ALOXE3: variants seen among roughly 807,000 people sequenced by gnomAD.
ALOXE3 encodes the protein hydroperoxide isomerase ALOXE3.
In ALOXE3, 78 loss-of-function variants were observed where a neutral mutation model predicts 87.5. The ratio of observed to expected loss-of-function variants is 0.89; its 90% CI spans 0.74 to 1.08. ALOXE3 has a LOEUF of 1.08. Among genes scored for constraint, ALOXE3 ranks in the 50% least tolerant of loss-of-function variants. The pLI is 0.00. For synonymous variants in ALOXE3, 363 were observed against 370.8 expected (o/e 0.98, Z 0.24); for missense variants, 946 against 912.4 (o/e 1.04, Z -0.47).
At chr17:8,108,736 G>A in intron 12 of ALOXE3, 147 bp from the exon 13 acceptor site, 1 of 1,245,452 alleles carries the variant, frequency 8.0e-7, no homozygotes, top group South Asian at 1.3e-5. Context: ...GAATCTGAGT[G>A]GCCGGGCTTC....
chr17:8,096,706 A>G lies in ALOXE3; in HGVS notation c.2057T>C (p.Ile686Thr), dbSNP rs772753441. The change falls in exon 16 of 16, where the codon ATC (isoleucine) becomes ACC (threonine). Residue 686 changes from isoleucine to threonine, a missense_variant. By Grantham distance (89) the Ile-to-Thr change is moderately conservative. Coordinates refer to ENST00000448843, the MANE Select transcript of ALOXE3 (RefSeq NM_021628.3). ...TGCCAGACCCTGGTTCCGCTCCTGGATGTCCCTTGAGATCTGGGCCAGGCG... is the reference window on the plus strand; with the variant it reads ...TGCCAGACCCTGGTTCCGCTCCTGGGTGTCCCTTGAGATCTGGGCCAGGCG... ...QSRLAQISRD[I>T]QERNQGLALP... 6.2e-7 allele frequency: 1 copy of G among 1,607,946 alleles called. No individual in the cohort carries two copies. The highest frequency in any genetic ancestry group is 1.1e-5 in the South Asian group (1 of 90,964).
rs115159829 is a variant in ALOXE3, at chr17:8,109,158, G to C, written c.1562+16C>G. On this transcript the variant is annotated intron_variant, in intron 12 of 15. Coordinates refer to ENST00000448843, the MANE Select transcript of ALOXE3 (RefSeq NM_021628.3). ...AGACCCTGGTGGGACTGCTGGTCCC[G>C]CCCCGCACCTCGCACCTCTCAATGG... is the stretch of plus-strand genomic sequence containing the variant. 18 of 1,611,746 alleles carry C rather than the reference G, an allele frequency of 1.1e-5. No individual in the cohort carries two copies. The highest frequency in any genetic ancestry group is 1.7e-5 in the Admixed American group (1 of 60,002).
intron 2 of ALOXE3, among the ~76,000 whole-genome samples, chr17:8,117,332 AT>A (rs1980688471): frequency 1.3e-5 from 2 of 152,350 alleles, no homozygotes; most frequent in Non-Finnish European, 2.9e-5. Context: ...AGGCAGGAGA[AT>A]CGCTTAAACC....
At chr17:8,106,686 C>A (rs1476481557) in intron 13 of ALOXE3, among the ~76,000 whole-genome samples, 1 of 151,808 alleles carries the variant, frequency 6.6e-6, no homozygotes, top group Admixed American at 6.6e-5. Flanking sequence ...ATTATCCGGG[C>A]GTGGTAGTGT....
chr17:8,096,763 G>A lies in ALOXE3; in HGVS notation c.2000C>T (p.Ala667Val), dbSNP rs1275056045. The change falls in exon 16 of 16, where the codon GCC becomes GTC. Residue 667 changes from alanine (A) to valine (V), a missense_variant. By Grantham distance (64) the Ala-to-Val change is moderately conservative (BLOSUM62 0). Coordinates refer to ENST00000448843, the MANE Select transcript of ALOXE3 (RefSeq NM_021628.3). ...GAAGGCGGCGATGCTCCGCCTCGGG[G>A]CCTCCTCTGTGAAGTGCTCATCTGG... is the stretch of plus-strand genomic sequence containing the variant. ...TYPDEHFTEEAPRRSIAAFQS... is the reference protein window; with the variant it reads ...TYPDEHFTEEVPRRSIAAFQS... 3 of 1,614,066 alleles carry A rather than the reference G, an allele frequency of 1.9e-6. No individual in the cohort carries two copies. Among genetic ancestry groups the A allele is most frequent in the Non-Finnish European group, 2.5e-6 (3 of 1,180,034 alleles).
At chr17:8,116,439 G>T (rs1401705155) in intron 3 of ALOXE3, among the ~76,000 whole-genome samples, 1 of 152,156 alleles carries the variant, frequency 6.6e-6, no homozygotes, top group Non-Finnish European at 1.5e-5. Context: ...ATGACTCAGG[G>T]TGCAGGTTAG....
rs1237145983 is a variant in ALOXE3 at position 8,109,942 on chromosome 17, G to A, written c.1366C>T (p.Leu456Phe). 2 of 1,551,208 alleles carry A rather than the reference G, an allele frequency of 1.3e-6. No homozygotes were observed. Among genetic ancestry groups the A allele is most frequent in the Non-Finnish European group, 1.7e-6 (2 of 1,146,784 alleles). ...QVNTIARATL[L>F]NPEGLVDQVT... is the part of the protein sequence containing the mutation. ...TGGTCCACGAGGCCCTCGGGGTTGA[G>A]CAGCGTGGCCCTCGCGATGGTGTTC... Residue 456 changes from leucine (L) to phenylalanine (F), a missense_variant, in exon 11 of 16, where the codon CTC becomes TTC. Physicochemically the swap from Leu to Phe is conservative, Grantham distance 22. Transcript: ENST00000448843.
intron 7 of ALOXE3, 118 bp from the exon 8 acceptor site, chr17:8,111,649 A>G: frequency 1.0e-6 from 1 of 1,003,170 alleles, no homozygotes; most frequent in Non-Finnish European, 1.6e-6. Context: ...TCTATGAGGT[A>G]GGAATCATTA....
At chr17:8,118,766 C>A, upstream of ALOXE3, 1 of 1,537,242 alleles carries the variant, frequency 6.5e-7, no homozygotes, top group East Asian at 2.4e-5. Flanking sequence ...GGTCTGAATG[C>A]CCCGCGTGGC....
rs1288994342 is a variant in ALOXE3 at position 8,118,224 on chromosome 17, T to C, written c.-234A>G. On this transcript the variant is annotated 5_prime_UTR_variant, in exon 2 of 16. Coordinates refer to ENST00000448843, the MANE Select transcript of ALOXE3 (RefSeq NM_021628.3). ...TCTCTCCGCCCACAGTCTTGCACTC[T>C]AATACTTGTTTGCTTGCCTCTGACA... The C allele has an allele frequency of 5.8e-6, 9 of 1,551,642 alleles. No individual in the cohort carries two copies. In the South Asian group the frequency reaches 9.5e-5, roughly 16 times the overall value.
rs1191301737 is a variant in ALOXE3, at chr17:8,109,836, G to A, written c.1392+80C>T. The A allele has an allele frequency of 1.3e-5, 18 of 1,412,054 alleles. No individual in the cohort carries two copies. The Admixed American group carries it at 2.4e-4, about 19-fold the overall frequency. 87.5% of individuals were successfully genotyped at this position (1,412,054 alleles called of 1,614,324 possible). A position where few individuals can be genotyped will look rare whatever the true frequency, so the allele number is the denominator to read the frequency against. ...AGGTGTCCTCACAAGGGGCTTGGGC[G>A]CAGAACAGGGCTTGGGGGCGGGTAG... On this transcript the variant is annotated intron_variant, in intron 11 of 15. Coordinates refer to ENST00000448843, the MANE Select transcript of ALOXE3 (RefSeq NM_021628.3).
Position 8,108,067 on chromosome 17 carries a change from G to GAAAGAAAGAAAGAAAT in ALOXE3, c.1684+400_1684+401insATTTCTTTCTTTCTTT, listed in dbSNP as rs1429262328. Reference sequence around the variant, plus strand: ...AGAAAGAAAGAAAGAAAGAAAGAAAGGAAGAGAGGTTGGTGGCTGGAGGGG... The same window carrying GAAAGAAAGAAAGAAAT: ...AGAAAGAAAGAAAGAAAGAAAGAAAGAAAGAAAGAAAGAAATGAAGAGAGGTTGGTGGCTGGAGGGG... On this transcript the variant is annotated intron_variant, in intron 13 of 15. Coordinates refer to ENST00000448843, the MANE Select transcript of ALOXE3 (RefSeq NM_021628.3). Among the ~76,000 whole-genome samples the GAAAGAAAGAAAGAAAT allele has an allele frequency of 8.6e-5, 5 of 58,292 alleles. 2 individuals are homozygous for GAAAGAAAGAAAGAAAT. The highest frequency in any genetic ancestry group is 1.8e-4 in the Non-Finnish European group (5 of 28,086). 38.2% of individuals were successfully genotyped at this position (58,292 alleles called of 152,430 possible).
intron 7 of ALOXE3, 115 bp from the exon 8 acceptor site, chr17:8,111,646 G>A: frequency 9.5e-7 from 1 of 1,052,030 alleles, no homozygotes; most frequent in Non-Finnish European, 1.5e-6. Context: ...AACTCTATGA[G>A]GTAGGAATCA....
At chr17:8,098,652 T>C (rs1015888595) in intron 15 of ALOXE3, among the ~76,000 whole-genome samples, 1 of 152,336 alleles carries the variant, frequency 6.6e-6, no homozygotes, top group Non-Finnish European at 1.5e-5. Context: ...ATTGAGATAA[T>C]TATATGGTAT....
Position 8,118,469 on chromosome 17 carries a change from A to G in ALOXE3, c.-314+17T>C, listed in dbSNP as rs759884726. ...TCTGTTCCTCCCCATTCCCAGGCAG[A>G]GATGAGCACAGGGCACCTGCATTCC... On this transcript the variant is annotated intron_variant, in intron 1 of 15. Transcript: ENST00000448843. 270 of 1,548,620 alleles carry G rather than the reference A, an allele frequency of 1.7e-4. No homozygotes were observed. Among genetic ancestry groups the G allele is most frequent in the Non-Finnish European group, 8.7e-5 (100 of 1,146,940 alleles).
At chr17:8,107,937 GA>G (rs1321853395) in intron 13 of ALOXE3, among the ~76,000 whole-genome samples, 3 of 4,496 alleles carry the variant, frequency 6.7e-4, no homozygotes, top group South Asian at 4.1e-3. Flanking sequence ...AAGAAAGAAA[GA>G]AAGAAAGAAA....
At position 8,118,294 on chromosome 17, in the gene ALOXE3, C is replaced by A. The variant is rs79377087; in HGVS notation, c.-304G>T. On this transcript the variant is annotated 5_prime_UTR_variant, in exon 2 of 16. The change creates a new upstream start codon in the 5' untranslated region. Coordinates refer to ENST00000448843, the MANE Select transcript of ALOXE3 (RefSeq NM_021628.3). ...GCTCACCCAGATGGATATCAGGAGC[C>A]TGGGTTCCACTGCGGAGGGAGGGAT... The A allele has an allele frequency of 8.5e-3, 13,212 of 1,551,764 alleles. 70 individuals are homozygous for A. Among genetic ancestry groups the A allele is most frequent in the Non-Finnish European group, 0.01 (11,508 of 1,147,016 alleles).
At chr17:8,110,585 C>A (rs1979991165) in intron 8 of ALOXE3, 57 bp from the exon 9 acceptor site, 2 of 1,600,692 alleles carry the variant, frequency 1.2e-6, no homozygotes, top group Non-Finnish European at 1.7e-6. Context: ...CACTTCCCTC[C>A]CATTTCCCTG....
chr17:8,118,090 G>A lies in ALOXE3; in HGVS notation c.-100C>T. ...CCGGACAGGGCTGGGTTTCTGGGCG[G>A]AGGGCTAGGGGCTGCGGGGCTGGGT... On this transcript the variant is annotated 5_prime_UTR_variant, in exon 2 of 16. Transcript: ENST00000448843. 6.4e-7 allele frequency: 1 copy of A among 1,560,196 alleles called. No individual in the cohort carries two copies. The highest frequency in any genetic ancestry group is 2.4e-5 in the East Asian group (1 of 42,250).
Sources: gnomAD v4.1 joint callset for allele counts (sites outside exome capture counted in the v4.1 genomes callset) on GRCh38, gnomAD v4.1.1 for gene constraint, MANE v1.5 for transcripts, NCBI Gene and HGNC (gene_info 2026-07-23, HGNC 2026-07-21) for gene names.